The following NBEA variants were observed in gnomAD, a reference collection of about 807,000 sequenced individuals.
NBEA encodes the protein neurobeachin, also known as lysosomal-trafficking regulator 2.
NBEA carries 44 observed loss-of-function variants against 343.4 expected under a neutral mutation model. The observed-to-expected ratio is 0.13, with a 90% CI of 0.10 to 0.16. The LOEUF is 0.16. Among genes scored for constraint, NBEA ranks in the 10% least tolerant of loss-of-function variants. The probability of loss-of-function intolerance (pLI) is 1.00; values close to 1 mark genes in which losing one functional copy is unlikely to be tolerated. For synonymous variants in NBEA, 1,175 were observed against 1,238.7 expected (o/e 0.95, Z 1.08); for missense variants, 2,555 against 3,631.3 (o/e 0.70, Z 7.62).
At chr13:35,007,754 A>G (rs974381657) in intron 1 of NBEA, among the ~76,000 whole-genome samples, 4 of 152,128 alleles carry the variant, frequency 2.6e-5, no homozygotes, top group Non-Finnish European at 5.9e-5. Flanking sequence ...TGGCCTCTCA[A>G]AGTGCTGGAA....
At chr13:35,339,991 G>T (rs901143352) in intron 36 of NBEA, among the ~76,000 whole-genome samples, 4 of 152,072 alleles carry the variant, frequency 2.6e-5, no homozygotes, top group Non-Finnish European at 5.9e-5. Context: ...TGTTAGTAAG[G>T]ACATGGAGAA....
chr13:35,517,685 A>G (rs921417152), intron 41 of NBEA, among the ~76,000 whole-genome samples: 2 of 152,050 alleles, frequency 1.3e-5, no homozygotes, highest in African/African-American at 4.8e-5. Flanking sequence ...CCCCAAACCA[A>G]TCAAACGTGT....
chr13:35,413,059 G>T (rs2152918241), intron 38 of NBEA, among the ~76,000 whole-genome samples: 1 of 152,228 alleles, frequency 6.6e-6, no homozygotes, highest in African/African-American at 2.4e-5. Context: ...TCACTAAAGT[G>T]GTAGGAAGGG....
At chr13:35,660,808 A>G (rs1027306235) in intron 55 of NBEA, among the ~76,000 whole-genome samples, 1 of 152,256 alleles carries the variant, frequency 6.6e-6, no homozygotes, top group African/African-American at 2.4e-5. Flanking sequence ...ATTTAGATAC[A>G]TTAAACAAGT....
chr13:35,663,935 A>C (rs2085225121), intron 55 of NBEA, among the ~76,000 whole-genome samples: 1 of 152,192 alleles, frequency 6.6e-6, no homozygotes, highest in Admixed American at 6.5e-5. Flanking sequence ...AGAAAATGCA[A>C]ATAAAACGGA....
intron 44 of NBEA, among the ~76,000 whole-genome samples, chr13:35,565,094 G>T (rs35474819): frequency 6.6e-6 from 1 of 152,000 alleles, no homozygotes; most frequent in African/African-American, 2.4e-5. Flanking sequence ...CTGTGGTGAG[G>T]CAACACAGGG....
At chr13:35,109,593 A>G (rs1018404019) in intron 12 of NBEA, among the ~76,000 whole-genome samples, 151 bp downstream of exon 12, 4 of 127,398 alleles carry the variant, frequency 3.1e-5, no homozygotes, top group African/African-American at 1.0e-4. Flanking sequence ...CAGGAGATCA[A>G]AATATTTATA....
chr13:35,401,214 A>C (rs530954062), intron 38 of NBEA, among the ~76,000 whole-genome samples: 64 of 152,030 alleles, frequency 4.2e-4, no homozygotes, highest in Non-Finnish European at 7.5e-4. Flanking sequence ...ACGCTGTAGC[A>C]AGCACTATTT....
intron 32 of NBEA, among the ~76,000 whole-genome samples, chr13:35,209,640 GTCTTC>G (rs2073632889): frequency 6.6e-6 from 1 of 151,878 alleles, no homozygotes; most frequent in Non-Finnish European, 1.5e-5. Flanking sequence ...GACTATAGTA[GTCTTC>G]TCTTCTCCAA....
rs2152995138 is a variant in NBEA, at chr13:35,525,585, A to C, written c.6586-24892A>C. Reference sequence around the variant, plus strand: ...TAAATAAATAAATAAATAACAAATAAAAAACAAAAAAACTTGAGAAAACAT... The same window carrying C: ...TAAATAAATAAATAAATAACAAATACAAAACAAAAAAACTTGAGAAAACAT... On this transcript the variant is annotated intron_variant, in intron 41 of 58. Coordinates refer to ENST00000379939, the MANE Select transcript of NBEA (RefSeq NM_001385012.1). Among the ~76,000 whole-genome samples, 3 of 152,262 alleles carry C rather than the reference A, an allele frequency of 2.0e-5. No homozygotes were observed. In the East Asian group the frequency reaches 5.8e-4, roughly 29 times the overall value.
chr13:35,205,497 G>C (rs73167784), intron 31 of NBEA, among the ~76,000 whole-genome samples: 1 of 151,972 alleles, frequency 6.6e-6, no homozygotes. Context: ...CCCTTTTACT[G>C]TAATTTTCTG....
rs1271687535 is a variant in NBEA at position 35,452,251 on chromosome 13, T to C, written c.6448+16T>C. On this transcript the variant is annotated intron_variant, in intron 40 of 58. Transcript: ENST00000379939. ...AACCTTGCAGGTAAATTTTAAAATA[T>C]ATTTTTCCTATTTGTTGTAAATAAA... The C allele has an allele frequency of 2.1e-5, 32 of 1,535,110 alleles. No homozygotes were observed. Among genetic ancestry groups the C allele is most frequent in the Non-Finnish European group, 2.7e-5 (31 of 1,137,272 alleles).
At chr13:35,272,596 G>T (rs902786385) in intron 34 of NBEA, among the ~76,000 whole-genome samples, 5 of 152,094 alleles carry the variant, frequency 3.3e-5, no homozygotes, top group Non-Finnish European at 7.3e-5. Flanking sequence ...TCAGTGTGCC[G>T]TATTCAGGAG....
chr13:35,214,155 A>G (rs949350850), intron 33 of NBEA, among the ~76,000 whole-genome samples: 1 of 151,964 alleles, frequency 6.6e-6, no homozygotes, highest in African/African-American at 2.4e-5. Context: ...ACCTGTTGAT[A>G]GCCATCTGGG....
rs542985475 is a variant in NBEA at position 35,110,735 on chromosome 13, A to C, written c.1834-75A>C. 8 of 1,216,484 alleles carry C rather than the reference A, an allele frequency of 6.6e-6. No individual in the cohort carries two copies. In the South Asian group the frequency reaches 9.1e-5, roughly 14 times the overall value. 75.4% of individuals were successfully genotyped at this position (1,216,484 alleles called of 1,614,324 possible). On this transcript the variant is annotated intron_variant, in intron 12 of 58. Transcript: ENST00000379939. Reference sequence around the variant, plus strand: ...TCTTTACTAATTCACATTTAAATTAAAACTGAATGTATATAATATGAGCAC... The same window carrying C: ...TCTTTACTAATTCACATTTAAATTACAACTGAATGTATATAATATGAGCAC...
At chr13:35,646,002 A>G (rs1260224911) in intron 50 of NBEA, 71 bp downstream of exon 50, 2 of 1,004,340 alleles carry the variant, frequency 2.0e-6, no homozygotes, top group East Asian at 2.6e-5. Context: ...CACAGGTTAG[A>G]TTTTCCACAT....
At chr13:35,110,729 A>T in intron 12 of NBEA, 81 bp from the exon 13 acceptor site, 1 of 1,157,118 alleles carries the variant, frequency 8.6e-7, no homozygotes, top group Non-Finnish European at 1.2e-6. Context: ...ATTCACATTT[A>T]AATTAAAACT....
At chr13:35,011,746 A>G (rs562061657) in intron 1 of NBEA, among the ~76,000 whole-genome samples, 1 of 152,158 alleles carries the variant, frequency 6.6e-6, no homozygotes, top group Non-Finnish European at 1.5e-5. Flanking sequence ...TTAGGTATGT[A>G]TGTTCATTTC....
At chr13:35,208,105 A>C (rs1438934897) in intron 31 of NBEA, among the ~76,000 whole-genome samples, 2 of 152,090 alleles carry the variant, frequency 1.3e-5, no homozygotes, top group Non-Finnish European at 2.9e-5. Context: ...CTGTAATCCC[A>C]GCTACTTGGG....
Sources: allele counts gnomAD v4.1 joint callset (sites outside exome capture counted in the v4.1 genomes callset), GRCh38; gene constraint gnomAD v4.1.1; transcripts MANE v1.5; gene names NCBI Gene and HGNC (gene_info 2026-07-23, HGNC 2026-07-21).